The following SPDYE3 variants were observed in gnomAD, a reference collection of about 807,000 sequenced individuals.
SPDYE3 encodes speedy protein E3.
SPDYE3 carries 15 observed loss-of-function variants against 55.0 expected under a neutral mutation model. That is an observed-to-expected ratio of 0.27 (90% CI 0.18 to 0.42). The LOEUF is 0.42. Among genes scored for constraint, SPDYE3 ranks in the 10% least tolerant of loss-of-function variants. The pLI is 1.00. For synonymous variants in SPDYE3, 89 were observed against 229.9 expected, an observed-to-expected ratio of 0.39 and a Z score of 5.55; for missense variants, 236 against 576.7, an observed-to-expected ratio of 0.41 and a Z score of 6.05.
Position 100,307,835 on chromosome 7 carries a change from G to A in SPDYE3, c.-51G>A, listed in dbSNP as rs146873825. On this transcript the variant is annotated 5_prime_UTR_variant, in exon 1 of 11. Coordinates refer to ENST00000332397, the MANE Select transcript of SPDYE3 (RefSeq NM_001004351.5). ...CAGCAGTGTCCAGAAGAAGACCAAG[G>A]ACAGAACAGAGACTAGCTTCGGTGA... 0.065 allele frequency: 99,101 copies of A among 1,535,728 alleles called. 3,576 individuals are homozygous for A. Among genetic ancestry groups the A allele is most frequent in the South Asian group, 0.075 (6,320 of 84,116 alleles).
intron 7 of SPDYE3, among the ~76,000 whole-genome samples, chr7:100,316,535 G>A (rs1806109942): frequency 6.6e-6 from 1 of 152,138 alleles, no homozygotes; most frequent in South Asian, 2.1e-4. Context: ...TGATCCTCCT[G>A]TCTCCACCTC....
chr7:100,312,985 A>G (rs1315383667), intron 4 of SPDYE3, among the ~76,000 whole-genome samples, 155 bp from the exon 5 acceptor site: 1 of 147,432 alleles, frequency 6.8e-6, no homozygotes, highest in Non-Finnish European at 1.5e-5. Context: ...GGAGTGGCAC[A>G]TGGGGTTGAG....
Position 100,307,977 on chromosome 7 carries a change from T to G in SPDYE3, c.92T>G (p.Val31Gly). ...CTCCAGGAGGTGGTGGATGATGAAG[T>G]GTCGGGACCATCAGGTGAGGGGACT... ...YPLQEVVDDEVSGPSAPGVDP... is the reference protein window; with the variant it reads ...YPLQEVVDDEGSGPSAPGVDP... The change falls in exon 1 of 11, where the codon GTG (valine) becomes GGG (glycine). Residue 31 changes from valine to glycine, a missense_variant. Coordinates refer to ENST00000332397, the MANE Select transcript of SPDYE3 (RefSeq NM_001004351.5). 6.4e-7 allele frequency: 1 copy of G among 1,557,774 alleles called. No homozygotes were observed. The highest frequency in any genetic ancestry group is 8.6e-7 in the Non-Finnish European group (1 of 1,159,814).
chr7:100,307,851 G>C lies in SPDYE3; in HGVS notation c.-35G>C. 1 of 1,547,232 alleles carries C rather than the reference G, an allele frequency of 6.5e-7. No individual in the cohort carries two copies. Among genetic ancestry groups the C allele is most frequent in the Non-Finnish European group, 8.7e-7 (1 of 1,153,564 alleles). On this transcript the variant is annotated 5_prime_UTR_variant, in exon 1 of 11. Coordinates refer to ENST00000332397, the MANE Select transcript of SPDYE3 (RefSeq NM_001004351.5). ...AAGACCAAGGACAGAACAGAGACTA[G>C]CTTCGGTGAGATTGGACAGATTTTG...
At chr7:100,312,872 T>C (rs1805995981) in intron 4 of SPDYE3, among the ~76,000 whole-genome samples, 2 of 141,932 alleles carry the variant, frequency 1.4e-5, no homozygotes, top group East Asian at 4.1e-4. Flanking sequence ...CAAGATTCTG[T>C]CTCGAAACAA....
At chr7:100,318,360 G>A (rs895674661) in intron 8 of SPDYE3, among the ~76,000 whole-genome samples, 6 of 152,106 alleles carry the variant, frequency 3.9e-5, no homozygotes. Context: ...AGGGTCCACA[G>A]TGCCAATTCC....
In SPDYE3 at chr7:100,321,511, T is replaced by A. The variant is rs1180727183; in HGVS notation, c.*666T>A. 6.2e-6 allele frequency: 1 copy of A among 161,648 alleles called. No homozygotes were observed. The highest frequency in any genetic ancestry group is 1.9e-4 in the East Asian group (1 of 5,284). 10.0% of individuals were successfully genotyped at this position (161,648 alleles called of 1,614,324 possible). ...TTCATTTTTAAGTGAGAATTCTTTT[T>A]ATCCTAAATCTTTTATTATCTTTAA... On this transcript the variant is annotated 3_prime_UTR_variant, in exon 11 of 11. Transcript: ENST00000332397.
chr7:100,312,342 A>T (rs1805982315), intron 4 of SPDYE3, among the ~76,000 whole-genome samples: 1 of 149,306 alleles, frequency 6.7e-6, no homozygotes, highest in African/African-American at 2.5e-5. Flanking sequence ...CGTCAAAAGA[A>T]AAGCCAAGGC....
At position 100,319,613 on chromosome 7, in the gene SPDYE3, G is replaced by C. The variant is rs1065453; in HGVS notation, c.1395G>C (p.Lys465Asn). The change falls in exon 9 of 11, where the codon AAG becomes AAC. Residue 465 changes from lysine (K) to asparagine (N), a missense_variant. Lys to Asn is a moderately conservative substitution (Grantham distance 94, BLOSUM62 0). Transcript: ENST00000332397. ...AGGACGACGAGGCCCCCAAACAAAA[G>C]ATCTTCTACTTCCTGTACGGGAAGA... is the stretch of plus-strand genomic sequence containing the variant. ...MEEDDEAPKQKIFYFLYGKTH... is the reference protein window; with the variant it reads ...MEEDDEAPKQNIFYFLYGKTH... 3.7e-6 allele frequency: 6 copies of C among 1,614,084 alleles called. No individual in the cohort carries two copies. Among genetic ancestry groups the C allele is most frequent in the Admixed American group, 3.3e-5 (2 of 59,992 alleles).
Position 100,319,731 on chromosome 7 carries a change from T to C in SPDYE3, c.1513T>C (p.Leu505=). 1.9e-6 allele frequency: 3 copies of C among 1,614,230 alleles called. No homozygotes were observed. Among genetic ancestry groups the C allele is most frequent in the South Asian group, 1.1e-5 (1 of 91,088 alleles). The change falls in exon 9 of 11, where the codon TTG becomes CTG. Residue 505 remains leucine, a synonymous_variant. Transcript: ENST00000332397. The part of the protein sequence containing the change: ...RARKNCSQIA[L]FQKRRFQFFC... ...CAGGAAGAACTGCTCTCAGATAGCCTTGTTCCAGAAGCGTCGGTTCCAGTT... is the reference window on the plus strand; with the variant it reads ...CAGGAAGAACTGCTCTCAGATAGCCCTGTTCCAGAAGCGTCGGTTCCAGTT...
Position 100,319,970 on chromosome 7 carries a change from G to T in SPDYE3, c.1630G>T (p.Asp544Tyr). 2 of 1,608,598 alleles carry T rather than the reference G, an allele frequency of 1.2e-6. No homozygotes were observed. Among genetic ancestry groups the T allele is most frequent in the Non-Finnish European group, 1.7e-6 (2 of 1,179,228 alleles). ...CCCAGAGCACTGGGTGTGGGCGCGAGATCGCGCCCACCTTTCCTAGAGCTC... is the reference window on the plus strand; with the variant it reads ...CCCAGAGCACTGGGTGTGGGCGCGATATCGCGCCCACCTTTCCTAGAGCTC... ...YDPEHWVWAR[D>Y]RAHLS The change falls in exon 10 of 11, where the codon GAT becomes TAT. Residue 544 changes from aspartate (D) to tyrosine (Y), a missense_variant. Physicochemically the swap from Asp to Tyr is radical, Grantham distance 160. Transcript: ENST00000332397.
chr7:100,319,545 A>C lies in SPDYE3; in HGVS notation c.1347-20A>C, dbSNP rs749122454. The C allele has an allele frequency of 1.7e-5, 27 of 1,613,988 alleles. No homozygotes were observed. The African/African-American group carries it at 3.3e-4, about 20-fold the overall frequency. On this transcript the variant is annotated intron_variant, in intron 8 of 10. Transcript: ENST00000332397. ...TCTCCTGGTGGTGCCCCTGAGCAGC[A>C]ACCTGATTTCTGTCCTCAGCTATCT...
Position 100,319,801 on chromosome 7 carries a change from TGGA to T in SPDYE3, c.1589_1590+1del. On this transcript the variant is annotated inframe_deletion, in exon 9 of 11. Transcript: ENST00000332397. ...AGGGCTTGGGTTTCCCCGGAGGAGTTGGAGGAGGTGGGTGGGGCCTGGGGAGGT... is the reference window on the plus strand; with the variant it reads ...AGGGCTTGGGTTTCCCCGGAGGAGTTGGAGGTGGGTGGGGCCTGGGGAGGT... The T allele has an allele frequency of 1.2e-6, 2 of 1,602,888 alleles. No individual in the cohort carries two copies. The highest frequency in any genetic ancestry group is 1.1e-5 in the South Asian group (1 of 90,880).
intron 4 of SPDYE3, among the ~76,000 whole-genome samples, chr7:100,312,570 T>G (rs1584997605): frequency 3.3e-5 from 4 of 120,820 alleles, no homozygotes; most frequent in South Asian, 2.7e-4. Flanking sequence ...GGGGAGGGTG[T>G]GTGGGAAGAA....
intron 8 of SPDYE3, among the ~76,000 whole-genome samples, chr7:100,318,167 T>A (rs1806155538): frequency 6.6e-6 from 1 of 151,790 alleles, no homozygotes; most frequent in African/African-American, 2.4e-5. Flanking sequence ...GTGACAGAGG[T>A]CACAGTCCAG....
At position 100,317,113 on chromosome 7, in the gene SPDYE3, TC is replaced by T; in HGVS notation, c.1308del (p.Ser437ProfsTer56). On this transcript the variant is annotated frameshift_variant, in exon 8 of 11. Transcript: ENST00000332397. LOFTEE classifies it high-confidence loss of function. ...MVIAYFSRAGLPSWQYQRIHF... is the reference protein window; with the variant it reads ...MVIAYFSRAGXPSWQYQRIHF... ...ATAGCGTATTTCAGCCGGGCCGGCC[TC>T]CCCTCCTGGCAATACCAACGCATTC... 6.2e-7 allele frequency: 1 copy of T among 1,611,634 alleles called. No homozygotes were observed. Among genetic ancestry groups the T allele is most frequent in the Non-Finnish European group, 8.5e-7 (1 of 1,179,578 alleles).
Position 100,315,672 on chromosome 7 carries a change from G to T in SPDYE3, c.1202-113G>T, listed in dbSNP as rs539195217. On this transcript the variant is annotated intron_variant, in intron 6 of 10. Transcript: ENST00000332397. ...CTCCCCTCTCCCATCCACCTCACCCGCGGCCACAATCCTGAGACTTTCCCC... is the reference window on the plus strand; with the variant it reads ...CTCCCCTCTCCCATCCACCTCACCCTCGGCCACAATCCTGAGACTTTCCCC... 5.6e-4 allele frequency: 870 copies of T among 1,545,976 alleles called. 3 individuals carry two copies. In the African/African-American group the frequency reaches 0.01, roughly 18 times the overall value.
At chr7:100,318,547 C>T (rs1484633873) in intron 8 of SPDYE3, among the ~76,000 whole-genome samples, 2 of 152,174 alleles carry the variant, frequency 1.3e-5, no homozygotes, top group African/African-American at 4.8e-5. Context: ...CGGTTCACCC[C>T]ACAGCCTCTG....
rs1359612398 is a variant in SPDYE3, at chr7:100,311,558, A to G, written c.545-192A>G. 5.0e-5 allele frequency among the ~76,000 whole-genome samples: 7 copies of G among 138,748 alleles called. 2 individuals are homozygous for G. The highest frequency in any genetic ancestry group is 8.3e-5 in the African/African-American group (3 of 36,272). 91.0% of individuals were successfully genotyped at this position (138,748 alleles called of 152,430 possible). ...GGATATGACGCAGTGTTCTGAGGAC[A>G]GAGAGAGGGAAGAATGGGGAGGGGA... On this transcript the variant is annotated intron_variant, in intron 3 of 10. Coordinates refer to ENST00000332397, the MANE Select transcript of SPDYE3 (RefSeq NM_001004351.5).
Sources: gnomAD v4.1 joint callset for allele counts (sites outside exome capture counted in the v4.1 genomes callset) on GRCh38, gnomAD v4.1.1 for gene constraint, MANE v1.5 for transcripts, NCBI Gene and HGNC (gene_info 2026-07-23, HGNC 2026-07-21) for gene names.